Variants in CFAP92 observed in about 807,000 individuals in gnomAD.
CFAP92 encodes cilia and flagella associated protein 92 (putative).
In CFAP92, 86 loss-of-function variants were observed where a neutral mutation model predicts 106.3. The ratio of observed to expected loss-of-function variants is 0.81; its 90% CI spans 0.68 to 0.97. CFAP92 has a LOEUF of 0.97. Among genes scored for constraint, CFAP92 ranks in the 50% least tolerant of loss-of-function variants. The pLI is 0.00. For synonymous variants in CFAP92, 477 were observed against 506.4 expected (o/e 0.94, Z 0.78); for missense variants, 1,204 against 1,283.8 (o/e 0.94, Z 0.95).
chr3:128,998,357 A>C (rs1944559928), upstream of CFAP92, among the ~76,000 whole-genome samples: 1 of 152,186 alleles, frequency 6.6e-6, no homozygotes, highest in Admixed American at 6.5e-5. Context: ...GTCGTATCTA[A>C]GAAATCTTTG....
chr3:128,961,010 CCTCCTT>C (rs1443913800), intron 9 of CFAP92, among the ~76,000 whole-genome samples: 1 of 151,982 alleles, frequency 6.6e-6, no homozygotes, highest in African/African-American at 2.4e-5. Flanking sequence ...CTCCATTCCT[CCTCCTT>C]CTCCCTTAGC....
chr3:128,911,685 G>A (rs1467112905), intron 15 of CFAP92, among the ~76,000 whole-genome samples: 4 of 152,088 alleles, frequency 2.6e-5, no homozygotes, highest in Non-Finnish European at 4.4e-5. Context: ...CAGGTGATCC[G>A]CCCACCTTGG....
chr3:128,946,616 G>A (rs935473758), intron 9 of CFAP92, among the ~76,000 whole-genome samples: 10 of 152,322 alleles, frequency 6.6e-5, no homozygotes, highest in African/African-American at 2.4e-4. Context: ...GTAATCTAAA[G>A]GCACTATTTA....
chr3:128,932,766 C>T lies in CFAP92; in HGVS notation c.2685G>A (p.Glu895=), dbSNP rs1439269486. 1 of 1,536,054 alleles carries T rather than the reference C, an allele frequency of 6.5e-7. No individual in the cohort carries two copies. The highest frequency in any genetic ancestry group is 8.7e-7 in the Non-Finnish European group (1 of 1,146,904). The change falls in exon 12 of 16, where the codon GAG becomes GAA. Residue 895 remains glutamate (E), a synonymous_variant. Transcript: ENST00000645291. ...TGGCACTCCGCCACTGCAGGTACTT[C>T]TCCTGGTGGGCGTGGATCTCTAAGG... ...TLTLEIHAHQ[E]KYLQWRSAML...
At chr3:129,013,803 T>C in the CFAP92 span, among the ~76,000 whole-genome samples, 1 of 152,234 alleles carries the variant, frequency 6.6e-6, no homozygotes, top group African/African-American at 2.4e-5. Context: ...TGGAGGAGTC[T>C]GTTCTCCAAA....
At chr3:128,998,884 C>T (rs1944580066), upstream of CFAP92, among the ~76,000 whole-genome samples, 1 of 152,182 alleles carries the variant, frequency 6.6e-6, no homozygotes, top group Non-Finnish European at 1.5e-5. Flanking sequence ...TGTACACAGT[C>T]ATGCAACCAC....
intron 12 of CFAP92, among the ~76,000 whole-genome samples, chr3:128,931,413 A>C: frequency 6.6e-6 from 1 of 151,516 alleles, no homozygotes; most frequent in African/African-American, 2.4e-5. Flanking sequence ...CAACCTGCCC[A>C]CCTCGGCCTC....
At chr3:129,015,080 C>T in the CFAP92 span, among the ~76,000 whole-genome samples, 109 of 152,352 alleles carry the variant, frequency 7.2e-4, no homozygotes, top group Admixed American at 1.1e-3. Context: ...ATCTTTTCAA[C>T]ACCCAGATCC....
At chr3:128,939,162 A>G (rs143792226) in intron 10 of CFAP92, among the ~76,000 whole-genome samples, 1 of 152,072 alleles carries the variant, frequency 6.6e-6, no homozygotes, top group East Asian at 1.9e-4. Flanking sequence ...TTTCTGAGAC[A>G]GAGTCTGGCT....
chr3:128,933,090 A>AGG, intron 11 of CFAP92, 93 bp from the exon 12 acceptor site: 1 of 1,203,980 alleles, frequency 8.3e-7, no homozygotes, highest in Non-Finnish European at 1.2e-6. Context: ...GAACACTCAG[A>AGG]GGCTGCTTAG....
Position 128,945,748 on chromosome 3 carries a change from C to T in CFAP92, c.1581G>A (p.Leu527=), listed in dbSNP as rs1338612795. 14 of 1,535,592 alleles carry T rather than the reference C, an allele frequency of 9.1e-6. No homozygotes were observed. The East Asian group carries it at 3.4e-4, about 38-fold the overall frequency. Residue 527 remains leucine (L), a synonymous_variant, in exon 10 of 16, where the codon CTG becomes CTA. Transcript: ENST00000645291. ...ATGAATCCAGAGGGTCCTCCCCAAA[C>T]AGCACGGGCTTCTGAGAACACTCCT... The part of the protein sequence containing the change: ...KSEECSQKPV[L]FGEDPLDSYL...
At position 128,975,859 on chromosome 3, in the gene CFAP92, C is replaced by T. The variant is rs938712358; in HGVS notation, c.941G>A (p.Ser314Asn). Residue 314 changes from serine to asparagine, a missense_variant, in exon 7 of 16, where the codon AGC becomes AAC. Coordinates refer to ENST00000645291, the MANE Select transcript of CFAP92 (RefSeq NM_001394090.1). ...RTPTISLAGA[S>N]MMEIKELIES... ...AATTAATTCCTTGATCTCCATCATG[C>T]TTGCTCCTGCCAAAGAAATGGTTGG... The T allele has an allele frequency of 1.2e-6, 2 of 1,610,408 alleles. No individual in the cohort carries two copies. Among genetic ancestry groups the T allele is most frequent in the Non-Finnish European group, 1.7e-6 (2 of 1,178,228 alleles).
At chr3:129,001,662 A>T in intron 1 of CFAP92, 1 of 1,417,506 alleles carries the variant, frequency 7.1e-7, no homozygotes, top group East Asian at 2.9e-5. Flanking sequence ...GGAGGCCGGC[A>T]TGGAGGGCGC....
chr3:128,974,358 A>C (rs1282457419), intron 7 of CFAP92, among the ~76,000 whole-genome samples: 1 of 152,222 alleles, frequency 6.6e-6, no homozygotes, highest in Non-Finnish European at 1.5e-5. Flanking sequence ...CACACTGGAA[A>C]CACAACTTCT....
At chr3:128,987,176 A>G (rs1943910052) in intron 4 of CFAP92, among the ~76,000 whole-genome samples, 1 of 152,066 alleles carries the variant, frequency 6.6e-6, no homozygotes, top group Non-Finnish European at 1.5e-5. Context: ...AAAAAAAAAG[A>G]CTTTCTGATA....
At chr3:128,927,254 C>T (rs559830363) in intron 12 of CFAP92, among the ~76,000 whole-genome samples, 10 of 152,100 alleles carry the variant, frequency 6.6e-5, no homozygotes, top group South Asian at 6.2e-4. Context: ...GTTCCAGCCT[C>T]CAGAATAGTG....
chr3:128,974,389 G>T (rs1430146337), intron 7 of CFAP92, among the ~76,000 whole-genome samples: 2 of 152,206 alleles, frequency 1.3e-5, no homozygotes, highest in East Asian at 3.8e-4. Flanking sequence ...CTGGTGAGGG[G>T]ATCTAAGCTG....
intron 10 of CFAP92, among the ~76,000 whole-genome samples, chr3:128,942,679 C>CT (rs113637615): frequency 0.24 from 35,678 of 146,352 alleles, 4,624 homozygotes; most frequent in East Asian, 0.55. Context: ...AAAACTCAAT[C>CT]TTTTTTTTTT....
chr3:129,021,352 G>C, the CFAP92 span, among the ~76,000 whole-genome samples: 1 of 152,202 alleles, frequency 6.6e-6, no homozygotes, highest in African/African-American at 2.4e-5. Context: ...ACTTTGTTTT[G>C]TTTGGCATTT....
Sources: gnomAD v4.1 joint callset for allele counts (sites outside exome capture counted in the v4.1 genomes callset) on GRCh38, gnomAD v4.1.1 for gene constraint, MANE v1.5 for transcripts, NCBI Gene and HGNC (gene_info 2026-07-23, HGNC 2026-07-21) for gene names.